Variants in ZNF318 observed in about 807,000 individuals in gnomAD.
The protein encoded by ZNF318 is endocrine regulator.
Under a neutral mutation model 124.2 loss-of-function variants are expected in ZNF318, and 51 were observed. The observed-to-expected ratio is 0.41, with a 90% CI of 0.33 to 0.52. The LOEUF (loss-of-function observed/expected upper bound fraction) is 0.52. Among genes scored for constraint, ZNF318 ranks in the 20% least tolerant of loss-of-function variants. The probability of loss-of-function intolerance (pLI) is 0.23; values close to 1 mark genes in which losing one functional copy is unlikely to be tolerated. For missense variants in ZNF318, 2,815 were observed against 2,811.2 expected, an observed-to-expected ratio of 1.00 and a Z score of -0.03; for synonymous variants, 1,090 against 1,040.7, an observed-to-expected ratio of 1.05 and a Z score of -0.91.
rs1401504276 is a variant in ZNF318, at chr6:43,355,868, C to T, written c.1466G>A (p.Arg489Gln). The change falls in exon 4 of 10, where the codon CGA (arginine) becomes CAA (glutamine). Residue 489 changes from arginine to glutamine, a missense_variant. Arg to Gln is a conservative substitution (Grantham distance 43). Around this residue, in one of 4 missense-constraint regions of ZNF318, gnomAD observed 1,377 missense variants for 1,353.5 expected, o/e 1.02. Transcript: ENST00000361428. ...ATGGGGCAGCAGGAAGTCTGTGTGT[C>T]GCTCAGGTCCCTCAGCCTTCAAATC... Reference protein sequence around the residue: ...NLDLKAEGPERHTDFLLPHER... With the variant: ...NLDLKAEGPEQHTDFLLPHER... 4.3e-6 allele frequency: 7 copies of T among 1,614,212 alleles called. No homozygotes were observed. Among genetic ancestry groups the T allele is most frequent in the Admixed American group, 3.3e-5 (2 of 60,030 alleles).
intron 1 of ZNF318, 33 bp from the exon 2 acceptor site, chr6:43,365,473 T>G (rs1779748457): frequency 6.2e-7 from 1 of 1,601,896 alleles, no homozygotes; most frequent in African/African-American, 1.3e-5. Context: ...GGTTAGTCAA[T>G]AGGGTCAAGA....
In ZNF318 at chr6:43,336,999, G is replaced by T; in HGVS notation, c.*159C>A. On this transcript the variant is annotated 3_prime_UTR_variant, in exon 10 of 10. Transcript: ENST00000361428. ...TTTAAGGGGAAAGGGAAAAGGAAAG[G>T]AGGTAAATTTTTTAGCTTCCATGAA... 1.9e-6 allele frequency: 1 copy of T among 519,102 alleles called. No individual in the cohort carries two copies. Among genetic ancestry groups the T allele is most frequent in the East Asian group, 3.2e-5 (1 of 31,164 alleles). The allele number at this position is 519,102 out of a possible 1,614,324, so 32.2% of individuals were successfully genotyped here.
In ZNF318 at chr6:43,342,687, T is replaced by G; in HGVS notation, c.3265A>C (p.Lys1089Gln). The G allele has an allele frequency of 6.2e-7, 1 of 1,614,198 alleles. No homozygotes were observed. The highest frequency in any genetic ancestry group is 8.5e-7 in the Non-Finnish European group (1 of 1,180,036). ...FDFFTHMHNK[K>Q]HTQTLDPYNR... Reference sequence around the variant, plus strand: ...AGTAGGATACCAACCTGTGTGTGCTTCTTATTGTGCATATGAGTGAAGAAA... The same window carrying G: ...AGTAGGATACCAACCTGTGTGTGCTGCTTATTGTGCATATGAGTGAAGAAA... Residue 1089 changes from lysine to glutamine, a missense_variant, in exon 7 of 10, where the codon AAG (lysine) becomes CAG (glutamine). Lys to Gln is a moderately conservative substitution (Grantham distance 53). This residue lies in a region of ZNF318 where 500 missense variants were observed against 605.2 expected (regional missense o/e 0.83). Transcript: ENST00000361428.
rs1334299951 is a variant in ZNF318 at position 43,337,580 on chromosome 6, T to C, written c.6418A>G (p.Lys2140Glu). ...TGTTTGTCTAATTGGGAAGATTCTTTTACTTCCTCAGGCATCATTCCTCCT... is the reference window on the plus strand; with the variant it reads ...TGTTTGTCTAATTGGGAAGATTCTTCTACTTCCTCAGGCATCATTCCTCCT... ...LAGGMMPEEV[K>E]ESSQLDKQES... The change falls in exon 10 of 10, where the codon AAA becomes GAA. Residue 2140 changes from lysine (K) to glutamate (E), a missense_variant. Physicochemically the swap from Lys to Glu is moderately conservative, Grantham distance 56. Transcript: ENST00000361428. 9 of 1,614,012 alleles carry C rather than the reference T, an allele frequency of 5.6e-6. No homozygotes were observed. In the African/African-American group the frequency reaches 1.1e-4, roughly 19 times the overall value.
Position 43,354,952 on chromosome 6 carries a change from G to A in ZNF318, c.2382C>T (p.Tyr794=). 1 of 1,610,318 alleles carries A rather than the reference G, an allele frequency of 6.2e-7. No individual in the cohort carries two copies. Among genetic ancestry groups the A allele is most frequent in the Non-Finnish European group, 8.5e-7 (1 of 1,177,830 alleles). The change falls in exon 4 of 10, where the codon TAC becomes TAT. Residue 794 remains tyrosine, a synonymous_variant. Transcript: ENST00000361428. ...GCCATCTGGAGGCTGCATATGCCAT[G>A]TAGTGCCTATAGGCATCAAAAGAGG... is the stretch of plus-strand genomic sequence containing the variant. The part of the protein sequence containing the change: ...PPASFDAYRH[Y]MAYAASRWPM...
chr6:43,349,029 G>A (rs952222453), intron 5 of ZNF318, among the ~76,000 whole-genome samples: 6 of 152,214 alleles, frequency 3.9e-5, no homozygotes, highest in East Asian at 1.9e-4. Context: ...GAGAGACTCC[G>A]TCTCAAAAAA....
At chr6:43,362,420 T>A (rs1779694065) in intron 2 of ZNF318, among the ~76,000 whole-genome samples, 1 of 149,818 alleles carries the variant, frequency 6.7e-6, no homozygotes, top group Middle Eastern at 3.4e-3. Context: ...AGCATTGCAC[T>A]CCAGCCAGGC....
chr6:43,357,051 G>A, intron 3 of ZNF318, 75 bp downstream of exon 3: 1 of 1,481,306 alleles, frequency 6.8e-7, no homozygotes, highest in Non-Finnish European at 9.1e-7. Flanking sequence ...TAGGAACATA[G>A]CCCACAGGAA....
intron 4 of ZNF318, 119 bp from the exon 5 acceptor site, chr6:43,352,595 A>G: frequency 1.2e-6 from 1 of 824,750 alleles, no homozygotes; most frequent in Non-Finnish European, 2.0e-6. Context: ...ATGCCTGCAC[A>G]CAGGCTCTGA....
At chr6:43,340,626 G>A (rs1026191989) in intron 9 of ZNF318, 124 bp from the exon 10 acceptor site, 23 of 1,505,476 alleles carry the variant, frequency 1.5e-5, no homozygotes, top group African/African-American at 1.4e-4. Flanking sequence ...AAGGACATAC[G>A]GGATGCTATC....
In ZNF318 at chr6:43,369,467, G is replaced by C. The variant is rs1420181451; in HGVS notation, c.-102C>G. ...AGCTGCAGCCGCCGCCACCTCGGCC[G>C]CTGCGCGCCGCCTCAGCCGCGGGAG... On this transcript the variant is annotated 5_prime_UTR_variant, in exon 1 of 10. Transcript: ENST00000361428. The C allele has an allele frequency of 2.1e-6, 2 of 969,318 alleles. No homozygotes were observed. Among genetic ancestry groups the C allele is most frequent in the Non-Finnish European group, 2.6e-6 (2 of 784,040 alleles). 60.0% of individuals were successfully genotyped at this position (969,318 alleles called of 1,614,324 possible). A position where few individuals can be genotyped will look rare whatever the true frequency, so the allele number is the denominator to read the frequency against.
chr6:43,355,308 G>A lies in ZNF318; in HGVS notation c.2026C>T (p.Leu676=), dbSNP rs769236718. The A allele has an allele frequency of 2.5e-6, 4 of 1,614,210 alleles. No individual in the cohort carries two copies. Among genetic ancestry groups the A allele is most frequent in the Non-Finnish European group, 3.4e-6 (4 of 1,180,034 alleles). ...ADRRSSDPHR[L]ESREAHHSNT... ...CTATGATGTGCCTCCCTGCTCTCTA[G>A]TCTGTGGGGATCTGAGGAACGTCGA... Residue 676 remains leucine, a synonymous_variant, in exon 4 of 10, where the codon CTA becomes TTA. Coordinates refer to ENST00000361428, the MANE Select transcript of ZNF318 (RefSeq NM_014345.3).
At position 43,369,319 on chromosome 6, in the gene ZNF318, T is replaced by G; in HGVS notation, c.47A>C (p.Lys16Thr). 9.6e-6 allele frequency: 13 copies of G among 1,348,342 alleles called. No individual in the cohort carries two copies. Among genetic ancestry groups the G allele is most frequent in the Non-Finnish European group, 1.2e-5 (13 of 1,042,590 alleles). 83.5% of individuals were successfully genotyped at this position (1,348,342 alleles called of 1,614,324 possible). ...ARSSVSSHRP[K>T]DDGGGGPRSG... Reference sequence around the variant, plus strand: ...GCGCGGGCCGCCCCCGCCGTCGTCTTTAGGCCGGTGGGAAGAGACGGAGGA... The same window carrying G: ...GCGCGGGCCGCCCCCGCCGTCGTCTGTAGGCCGGTGGGAAGAGACGGAGGA... The change falls in exon 1 of 10, where the codon AAA becomes ACA. Residue 16 changes from lysine to threonine, a missense_variant. By Grantham distance (78) the Lys-to-Thr change is moderately conservative (BLOSUM62 -1). Around this residue, in one of 4 missense-constraint regions of ZNF318, gnomAD observed 1,377 missense variants for 1,353.5 expected, o/e 1.02. Coordinates refer to ENST00000361428, the MANE Select transcript of ZNF318 (RefSeq NM_014345.3).
chr6:43,344,770 T>C (rs1381006433), intron 6 of ZNF318, among the ~76,000 whole-genome samples: 1 of 152,188 alleles, frequency 6.6e-6, no homozygotes, highest in Non-Finnish European at 1.5e-5. Flanking sequence ...TGGTGACCAA[T>C]ACATATTTGT....
In ZNF318 at chr6:43,356,089, C is replaced by T; in HGVS notation, c.1245G>A (p.Gly415=). ...CACCACTTAGTGGAAGGGATGGGTG[C>T]CCAGAGTAGAGAGGGTGATCCTGGC... The part of the protein sequence containing the change: ...SSSQDHPLYS[G]HPSLPLSGAI... Residue 415 remains glycine (G), a synonymous_variant, in exon 4 of 10, where the codon GGG becomes GGA. Coordinates refer to ENST00000361428, the MANE Select transcript of ZNF318 (RefSeq NM_014345.3). The T allele has an allele frequency of 6.2e-7, 1 of 1,614,090 alleles. No homozygotes were observed. Among genetic ancestry groups the T allele is most frequent in the East Asian group, 2.2e-5 (1 of 44,888 alleles).
In ZNF318 at chr6:43,338,708, G is replaced by A. The variant is rs1312703499; in HGVS notation, c.5290C>T (p.Leu1764Phe). The A allele has an allele frequency of 6.2e-7, 1 of 1,614,120 alleles. No individual in the cohort carries two copies. Among genetic ancestry groups the A allele is most frequent in the South Asian group, 1.1e-5 (1 of 91,072 alleles). Residue 1764 changes from leucine to phenylalanine, a missense_variant, in exon 10 of 10, where the codon CTC becomes TTC. Transcript: ENST00000361428. ...TCTCTACAATCCTCAGATTTACGGAGCTCTTGGCTTTCCTTATCCTGGTTA... is the reference window on the plus strand; with the variant it reads ...TCTCTACAATCCTCAGATTTACGGAACTCTTGGCTTTCCTTATCCTGGTTA... ...SVNQDKESQE[L>F]RKSEDCRESE...
Position 43,355,723 on chromosome 6 carries a change from AAATTTC to A in ZNF318, c.1605_1610del (p.Glu535_Phe537delinsAsp). Reference sequence around the variant, plus strand: ...AATCCTCTTCTTCATCCCCATAGAGAAATTTCTCCTCATCTTCAATGTCGGGAAAGC... The same window carrying A: ...AATCCTCTTCTTCATCCCCATAGAGATCCTCATCTTCAATGTCGGGAAAGC... On this transcript the variant is annotated inframe_deletion, in exon 4 of 10. Transcript: ENST00000361428. The A allele has an allele frequency of 1.2e-6, 2 of 1,614,190 alleles. No individual in the cohort carries two copies. Among genetic ancestry groups the A allele is most frequent in the Non-Finnish European group, 1.7e-6 (2 of 1,180,040 alleles).
chr6:43,344,150 T>G (rs1779408929), intron 6 of ZNF318, among the ~76,000 whole-genome samples: 1 of 151,928 alleles, frequency 6.6e-6, no homozygotes, highest in Non-Finnish European at 1.5e-5. Context: ...CAATTGGGGC[T>G]TCAAAGATAC....
intron 9 of ZNF318, 74 bp downstream of exon 9, chr6:43,340,716 G>A (rs989017991): frequency 2.0e-6 from 3 of 1,534,874 alleles, no homozygotes; most frequent in African/African-American, 1.4e-5. Flanking sequence ...TTTCTGGCTC[G>A]GACGCCATTT....
Sources: gnomAD v4.1 joint callset for allele counts (sites outside exome capture counted in the v4.1 genomes callset) on GRCh38, gnomAD v4.1.1 for gene constraint, gnomAD v4.1.1 regional missense constraint, MANE v1.5 for transcripts, NCBI Gene and HGNC (gene_info 2026-07-23, HGNC 2026-07-21) for gene names.